Variants in RIMS2 observed in about 807,000 individuals in gnomAD.
RIMS2 encodes regulating synaptic membrane exocytosis protein 2.
Under a neutral mutation model 174.4 loss-of-function variants are expected in RIMS2, and 59 were observed. That is an observed-to-expected ratio of 0.34 (90% CI 0.27 to 0.42). The LOEUF (loss-of-function observed/expected upper bound fraction) is 0.42. Among genes scored for constraint, RIMS2 ranks in the 10% least tolerant of loss-of-function variants. The pLI is 1.00. For missense variants in RIMS2, 1,620 were observed against 1,666.3 expected (o/e 0.97, Z 0.48); for synonymous variants, 606 against 572.5 (o/e 1.06, Z -0.84).
At chr8:103,735,694 G>C (rs75321230) in intron 2 of RIMS2, among the ~76,000 whole-genome samples, 22,823 of 152,020 alleles carry the variant, frequency 0.15, 1,785 homozygotes, top group Middle Eastern at 0.24. Context: ...TTTGGCCTGG[G>C]ATTAGTGTTC....
At chr8:103,604,475 A>C (rs1298766117) in intron 1 of RIMS2, among the ~76,000 whole-genome samples, 1 of 151,978 alleles carries the variant, frequency 6.6e-6, no homozygotes, top group Non-Finnish European at 1.5e-5. Flanking sequence ...TTGACTTGGC[A>C]ACGCGGGCTC....
intron 3 of RIMS2, among the ~76,000 whole-genome samples, chr8:103,870,071 G>C (rs910560846): frequency 5.9e-5 from 9 of 151,586 alleles, no homozygotes; most frequent in African/African-American, 2.2e-4. Context: ...TGTGTACTAG[G>C]GGGTATCAGA....
chr8:104,208,146 G>T (rs1271076718), intron 19 of RIMS2, among the ~76,000 whole-genome samples: 1 of 152,098 alleles, frequency 6.6e-6, no homozygotes, highest in South Asian at 2.1e-4. Context: ...ATGCTGTTAT[G>T]AAATATTCCT....
intron 17 of RIMS2, among the ~76,000 whole-genome samples, 158 bp from the exon 20 acceptor site, chr8:104,013,284 C>T (rs975588835): frequency 6.6e-6 from 1 of 152,046 alleles, no homozygotes; most frequent in Non-Finnish European, 1.5e-5. Context: ...TAACAAGTTT[C>T]GTTTGAAATT....
At chr8:103,891,232 G>A (rs975266611) in intron 4 of RIMS2, among the ~76,000 whole-genome samples, 2 of 151,928 alleles carry the variant, frequency 1.3e-5, no homozygotes, top group African/African-American at 4.8e-5. Flanking sequence ...GGGTAATTGT[G>A]TTTGGTAAAT....
intron 4 of RIMS2, among the ~76,000 whole-genome samples, chr8:103,903,265 A>G (rs1295366418): frequency 6.6e-6 from 1 of 152,138 alleles, no homozygotes; most frequent in Non-Finnish European, 1.5e-5. Flanking sequence ...TGAAGTCAGT[A>G]TATTAGTATA....
chr8:104,063,479 C>T (rs1369436944), intron 19 of RIMS2, among the ~76,000 whole-genome samples: 1 of 151,816 alleles, frequency 6.6e-6, no homozygotes, highest in African/African-American at 2.4e-5. Context: ...TTTTTTTAAC[C>T]TGAGGTTGAA....
chr8:103,677,602 C>G (rs531256948), intron 1 of RIMS2, among the ~76,000 whole-genome samples: 1 of 152,310 alleles, frequency 6.6e-6, no homozygotes, highest in African/African-American at 2.4e-5. Flanking sequence ...CAGGCAGGTA[C>G]TTTGCTTGGT....
intron 2 of RIMS2, among the ~76,000 whole-genome samples, chr8:103,759,564 CAAAAAAAAAAAAAAAA>C (rs35946104): frequency 7.1e-5 from 5 of 70,020 alleles, no homozygotes; most frequent in South Asian, 6.0e-4. Context: ...GACTCCGTCT[CAAAAAAAAAAAAAAAA>C]AAAAAAAAGA....
intron 2 of RIMS2, among the ~76,000 whole-genome samples, chr8:103,751,573 AG>A: frequency 6.6e-6 from 1 of 151,676 alleles, no homozygotes; most frequent in Non-Finnish European, 1.5e-5. Flanking sequence ...ACAGTGTAAA[AG>A]TGTCCCTATT....
chr8:103,619,144 G>A (rs1352803135), intron 1 of RIMS2, among the ~76,000 whole-genome samples: 1 of 138,758 alleles, frequency 7.2e-6, no homozygotes, highest in Non-Finnish European at 1.6e-5. Context: ...CTTGAAAAGA[G>A]AAAAAGCTCT....
intron 1 of RIMS2, among the ~76,000 whole-genome samples, chr8:103,641,034 T>C (rs2096218164): frequency 6.6e-6 from 1 of 152,156 alleles, no homozygotes. Flanking sequence ...TTTGTTGTTA[T>C]GCACACACAC....
At chr8:103,508,917 G>A (rs903385784) in intron 1 of RIMS2, among the ~76,000 whole-genome samples, 8 of 152,020 alleles carry the variant, frequency 5.3e-5, no homozygotes, top group East Asian at 1.9e-4. Flanking sequence ...CCAGACTTGC[G>A]TAACTGACTA....
At chr8:104,088,284 A>G (rs1036411765) in intron 19 of RIMS2, among the ~76,000 whole-genome samples, 2 of 152,026 alleles carry the variant, frequency 1.3e-5, no homozygotes, top group Non-Finnish European at 2.9e-5. Context: ...GACATGAAAT[A>G]AAAACAGGAT....
intron 1 of RIMS2, among the ~76,000 whole-genome samples, chr8:103,678,547 G>A (rs2096842345): frequency 6.6e-6 from 1 of 152,104 alleles, no homozygotes; most frequent in South Asian, 2.1e-4. Context: ...ATGAGAATAA[G>A]TAGGAGTATG....
At chr8:103,602,529 C>G (rs958221149) in intron 1 of RIMS2, among the ~76,000 whole-genome samples, 3 of 152,078 alleles carry the variant, frequency 2.0e-5, no homozygotes, top group Admixed American at 6.6e-5. Flanking sequence ...CATTGTTTAG[C>G]TCCCACTTAC....
intron 2 of RIMS2, among the ~76,000 whole-genome samples, chr8:103,705,308 T>G (rs931245659): frequency 6.6e-6 from 1 of 152,138 alleles, no homozygotes; most frequent in Non-Finnish European, 1.5e-5. Context: ...TCAGAAAAGA[T>G]ACCTGATATG....
At chr8:103,737,301 A>G (rs2097699253) in intron 2 of RIMS2, among the ~76,000 whole-genome samples, 1 of 149,288 alleles carries the variant, frequency 6.7e-6, no homozygotes, top group Admixed American at 6.8e-5. Flanking sequence ...CTCCTGCCTA[A>G]GCCTCCTGAG....
chr8:103,868,156 G>A (rs918162795), intron 3 of RIMS2, among the ~76,000 whole-genome samples: 4 of 151,834 alleles, frequency 2.6e-5, no homozygotes, highest in African/African-American at 9.7e-5. Flanking sequence ...AATTTTTTTA[G>A]CAGTCTTGGT....
Sources: allele counts gnomAD v4.1 joint callset (sites outside exome capture counted in the v4.1 genomes callset), GRCh38; gene constraint gnomAD v4.1.1; transcripts MANE v1.5; gene names NCBI Gene and HGNC (gene_info 2026-07-23, HGNC 2026-07-21).